PASD1: variants seen among roughly 807,000 people sequenced by gnomAD.
PASD1 encodes the protein circadian clock protein PASD1.
PASD1 carries 13 observed loss-of-function variants against 58.8 expected under a neutral mutation model. The ratio of observed to expected loss-of-function variants is 0.22; its 90% confidence interval spans 0.14 to 0.35. The LOEUF (loss-of-function observed/expected upper bound fraction) is 0.35. Among genes scored for constraint, PASD1 ranks in the 10% least tolerant of loss-of-function variants. The probability of loss-of-function intolerance (pLI) is 1.00; values close to 1 mark genes in which losing one functional copy is unlikely to be tolerated. For missense variants in PASD1, 734 were observed against 568.3 expected, an observed-to-expected ratio of 1.29 and a Z score of -2.96; for synonymous variants, 236 against 216.7, an observed-to-expected ratio of 1.09 and a Z score of -0.78.
chrX:151,636,643 A>T (rs1002140727), intron 8 of PASD1, among the ~76,000 whole-genome samples: 10 of 111,662 alleles, frequency 9.0e-5, no homozygotes, highest in Non-Finnish European at 1.7e-4. Context: ...ACCTCAGGTG[A>T]TCCACCTGCC....
intron 1 of PASD1, among the ~76,000 whole-genome samples, chrX:151,595,529 T>C (rs1238644006): frequency 3.7e-5 from 4 of 107,611 alleles, no homozygotes; most frequent in Non-Finnish European, 7.7e-5. Context: ...CCATCCTGGC[T>C]AACATGGTGA....
chrX:151,625,147 C>T (rs2013767275), intron 7 of PASD1, among the ~76,000 whole-genome samples: 1 of 111,774 alleles, frequency 8.9e-6, no homozygotes, highest in South Asian at 3.8e-4. Flanking sequence ...TGCAAACAGG[C>T]GGGCTTTTGG....
intron 8 of PASD1, among the ~76,000 whole-genome samples, chrX:151,647,844 A>C (rs745420905): frequency 7.3e-4 from 81 of 110,764 alleles, no homozygotes; most frequent in Non-Finnish European, 1.4e-3. Flanking sequence ...GTTTTCTCTT[A>C]ATTATGTGTC....
In PASD1 at chrX:151,605,279, T is replaced by A. The variant is rs774134590; in HGVS notation, c.117+545T>A. On this transcript the variant is annotated intron_variant, in intron 3 of 15. Coordinates refer to ENST00000370357, the MANE Select transcript of PASD1 (RefSeq NM_173493.3). ...TACCATCTCTGAGCCTTGATTTCTTTCTCTTTAAAATGGGTAAAAATTATC... is the reference window on the plus strand; with the variant it reads ...TACCATCTCTGAGCCTTGATTTCTTACTCTTTAAAATGGGTAAAAATTATC... Among the ~76,000 whole-genome samples the A allele has an allele frequency of 3.6e-5, 4 of 112,007 alleles. No homozygotes were observed. The East Asian group carries it at 1.1e-3, about 31-fold the overall frequency.
At chrX:151,586,091 G>A (rs1305986353) in intron 1 of PASD1, among the ~76,000 whole-genome samples, 1 of 111,560 alleles carries the variant, frequency 9.0e-6, no homozygotes, top group Non-Finnish European at 1.9e-5. Flanking sequence ...AAATGCTAGG[G>A]GACAGGATGT....
intron 1 of PASD1, among the ~76,000 whole-genome samples, chrX:151,584,505 C>T (rs765845206): frequency 8.9e-6 from 1 of 111,868 alleles, no homozygotes; most frequent in South Asian, 3.8e-4. Flanking sequence ...AAGTAAAGTC[C>T]TGCAAGGATG....
intron 1 of PASD1, among the ~76,000 whole-genome samples, chrX:151,580,511 T>TTC (rs1482562527): frequency 1.9e-5 from 2 of 105,837 alleles, no homozygotes; most frequent in African/African-American, 6.8e-5. Flanking sequence ...TTTTTTTCTT[T>TTC]TTTTTTTTTT....
At chrX:151,582,845 C>T (rs1465964783) in intron 1 of PASD1, among the ~76,000 whole-genome samples, 2 of 110,767 alleles carry the variant, frequency 1.8e-5, no homozygotes, top group African/African-American at 6.6e-5. Flanking sequence ...CAACGAACAA[C>T]ACTGATGTGT....
chrX:151,664,004 G>A (rs878955831), intron 10 of PASD1, 115 bp from the exon 11 acceptor site: 2 of 1,038,686 alleles, frequency 1.9e-6, no homozygotes, highest in South Asian at 2.4e-5. Context: ...ATGATTCCTG[G>A]CACCTGGCAC....
rs373436159 is a variant in PASD1, at chrX:151,584,455, A to C, written c.-27-17072A>C. Among the ~76,000 whole-genome samples, 8 of 112,083 alleles carry C rather than the reference A, an allele frequency of 7.1e-5. No individual in the cohort carries two copies. In the East Asian group the frequency reaches 1.7e-3, roughly 23 times the overall value. On this transcript the variant is annotated intron_variant, in intron 1 of 15. Coordinates refer to ENST00000370357, the MANE Select transcript of PASD1 (RefSeq NM_173493.3). Reference sequence around the variant, plus strand: ...TGTAACTAGCCGTGATAATGTGTACATTTGAGTAGCAGACTTCAGATTAAT... The same window carrying C: ...TGTAACTAGCCGTGATAATGTGTACCTTTGAGTAGCAGACTTCAGATTAAT...
At chrX:151,657,613 T>C (rs987517608) in intron 9 of PASD1, among the ~76,000 whole-genome samples, 4 of 111,916 alleles carry the variant, frequency 3.6e-5, no homozygotes, top group East Asian at 5.6e-4. Flanking sequence ...CAGGAATTTA[T>C]CCATTTCTTC....
At chrX:151,625,670 A>G in intron 8 of PASD1, 140 bp downstream of exon 8, 1 of 498,959 alleles carries the variant, frequency 2.0e-6, no homozygotes, top group East Asian at 3.6e-5. Flanking sequence ...CGGGCCAGGG[A>G]TGGTGGCTCA....
At chrX:151,629,447 G>A (rs751355186) in intron 8 of PASD1, among the ~76,000 whole-genome samples, 54 of 111,534 alleles carry the variant, frequency 4.8e-4, no homozygotes, top group Admixed American at 1.4e-3. Context: ...AATCTTCAGT[G>A]TTTTATGTTT....
chrX:151,572,691 CAG>C lies in PASD1; in HGVS notation c.-28+8856_-28+8857del, dbSNP rs751438090. ...TTTTAAATTGAAAAAGGACTGGAGA[CAG>C]AGAAAAACTTACCTATCAAATTCTT... On this transcript the variant is annotated intron_variant, in intron 1 of 15. Transcript: ENST00000370357. Among the ~76,000 whole-genome samples the C allele has an allele frequency of 2.4e-4, 26 of 110,332 alleles. No individual in the cohort carries two copies. The East Asian group carries it at 7.0e-3, about 30-fold the overall frequency.
At chrX:151,648,497 G>A in intron 8 of PASD1, 118 bp from the exon 9 acceptor site, 2 of 673,316 alleles carry the variant, frequency 3.0e-6, no homozygotes, top group Non-Finnish European at 2.3e-6. Context: ...ATGATGTTCT[G>A]TAGTAGGGAA....
At chrX:151,637,929 A>AT (rs2124286913) in intron 8 of PASD1, among the ~76,000 whole-genome samples, 1 of 111,297 alleles carries the variant, frequency 9.0e-6, no homozygotes, top group Non-Finnish European at 1.9e-5. Context: ...TTTCAGTTTC[A>AT]TTTTTTATTC....
In PASD1 at chrX:151,673,975, T is replaced by C. The variant is rs755078754; in HGVS notation, c.1964T>C (p.Leu655Ser). 4.1e-6 allele frequency: 5 copies of C among 1,208,947 alleles called. No individual in the cohort carries two copies. In the East Asian group the frequency reaches 1.5e-4, roughly 36 times the overall value. ...GGGCCCCCCGTGAACCAGCTGCCAT[T>C]GATAGATACCTCAAACTCTGAGGCA... ...YQGPPVNQLP[L>S]IDTSNSEAIS... The change falls in exon 15 of 16, where the codon TTG becomes TCG. Residue 655 changes from leucine (L) to serine (S), a missense_variant. Transcript: ENST00000370357.
chrX:151,671,578 G>A lies in PASD1; in HGVS notation c.1236G>A (p.Gln412=), dbSNP rs775484509. Residue 412 remains glutamine (Q), a synonymous_variant, in exon 13 of 16, where the codon CAG becomes CAA. Transcript: ENST00000370357. Reference sequence around the variant, plus strand: ...GTGATACTGTGTCCTTACAGAAGCAGCCAAACACATTACGCCACGTTGTCA... The same window carrying A: ...GTGATACTGTGTCCTTACAGAAGCAACCAAACACATTACGCCACGTTGTCA... ...LELMMDHLQK[Q]PNTLRHVVIP... The A allele has an allele frequency of 2.8e-5, 34 of 1,208,956 alleles. No individual in the cohort carries two copies. The highest frequency in any genetic ancestry group is 4.4e-5 in the Admixed American group (2 of 45,888).
chrX:151,644,714 C>T (rs966977185), intron 8 of PASD1, among the ~76,000 whole-genome samples: 1 of 107,025 alleles, frequency 9.3e-6, no homozygotes, highest in Non-Finnish European at 1.9e-5. Flanking sequence ...CAGATTACAA[C>T]GTAATTTTTC....
Sources: allele counts gnomAD v4.1 joint callset (sites outside exome capture counted in the v4.1 genomes callset), GRCh38; gene constraint gnomAD v4.1.1; transcripts MANE v1.5; gene names NCBI Gene and HGNC (gene_info 2026-07-23, HGNC 2026-07-21).